CCDC85C: variants seen among roughly 807,000 people sequenced by gnomAD.
CCDC85C encodes the protein coiled-coil domain-containing protein 85C.
A neutral mutation model predicts 38.3 loss-of-function variants in CCDC85C; 18 were observed. That is an observed-to-expected ratio of 0.47 (90% CI 0.33 to 0.70). The LOEUF (loss-of-function observed/expected upper bound fraction) is 0.70, where lower values mean the gene tolerates loss of function less well. CCDC85C is among the 30% of genes least tolerant of loss of function. The pLI is 0.03. For synonymous variants in CCDC85C, 264 were observed against 293.8 expected, an observed-to-expected ratio of 0.90 and a Z score of 1.04; for missense variants, 566 against 621.2, an observed-to-expected ratio of 0.91 and a Z score of 0.94.
rs1896846869 is a variant in CCDC85C at position 99,502,158 on chromosome 14, A to G, written c.*13088T>C. ...GGCATCTCCATGCACTGGTTTAATC[A>G]TAAATATTAGATCATATTATCTAAC... On this transcript the variant is annotated 3_prime_UTR_variant, in exon 6 of 6. Coordinates refer to ENST00000380243, the MANE Select transcript of CCDC85C (RefSeq NM_001144995.2). 1 of 1,519,276 alleles carries G rather than the reference A, an allele frequency of 6.6e-7. No individual in the cohort carries two copies. Among genetic ancestry groups the G allele is most frequent in the African/African-American group, 1.4e-5 (1 of 72,004 alleles). 94.1% of individuals were successfully genotyped at this position (1,519,276 alleles called of 1,614,324 possible).
At chr14:99,539,079 G>C (rs1897661635) in intron 1 of CCDC85C, among the ~76,000 whole-genome samples, 1 of 152,186 alleles carries the variant, frequency 6.6e-6, no homozygotes, top group Non-Finnish European at 1.5e-5. Context: ...AGACCACCAG[G>C]CTTCATTGGG....
At position 99,548,440 on chromosome 14, in the gene CCDC85C, C is replaced by T. The variant is rs778472409; in HGVS notation, c.794-12352G>A. ...GGGCCACACAGGGGATGCTGATGATCGGCGCAGCGGATCAGAGAGCAGCCT... is the reference window on the plus strand; with the variant it reads ...GGGCCACACAGGGGATGCTGATGATTGGCGCAGCGGATCAGAGAGCAGCCT... On this transcript the variant is annotated intron_variant, in intron 1 of 5. Transcript: ENST00000380243. The surrounding 1 kb of genome is among the most constrained non-coding windows in gnomAD (Gnocchi z 4.9). 5.9e-5 allele frequency among the ~76,000 whole-genome samples: 9 copies of T among 152,032 alleles called. No homozygotes were observed. The highest frequency in any genetic ancestry group is 1.7e-4 in the African/African-American group (7 of 41,394).
At chr14:99,527,749 C>T (rs142866517) in intron 2 of CCDC85C, among the ~76,000 whole-genome samples, 1,934 of 152,254 alleles carry the variant, frequency 0.013, 28 homozygotes, top group Non-Finnish European at 0.018. Flanking sequence ...AGCTTCCCAC[C>T]GGGAGCCACA....
Position 99,544,777 on chromosome 14 carries a change from AG to A in CCDC85C, c.794-8690del, listed in dbSNP as rs1311126096. On this transcript the variant is annotated intron_variant, in intron 1 of 5. Transcript: ENST00000380243. The surrounding 1 kb of genome is among the most constrained non-coding windows in gnomAD (Gnocchi z 5.3). The stretch of plus-strand genomic sequence containing the variant: ...GATGTGAAAAGACTTGATGTTAGTG[AG>A]GTTTTCAGTCTGAGCCAAAGACCCC... Among the ~76,000 whole-genome samples, 1 of 152,018 alleles carries A rather than the reference AG, an allele frequency of 6.6e-6. No homozygotes were observed. Among genetic ancestry groups the A allele is most frequent in the Non-Finnish European group, 1.5e-5 (1 of 68,006 alleles).
Position 99,515,092 on chromosome 14 carries a change from A to G in CCDC85C, c.*154T>C, listed in dbSNP as rs1897199952. The G allele has an allele frequency of 1.0e-5, 6 of 592,108 alleles. No individual in the cohort carries two copies. The highest frequency in any genetic ancestry group is 3.1e-5 in the Admixed American group (1 of 32,144). The allele number at this position is 592,108 out of a possible 1,614,324, so 36.7% of individuals were successfully genotyped here. A position where few individuals can be genotyped will look rare whatever the true frequency, so the allele number is the denominator to read the frequency against. On this transcript the variant is annotated 3_prime_UTR_variant, in exon 6 of 6. Transcript: ENST00000380243. ...CGGCTTGGGCCAGTGCATCGGACCC[A>G]TGGCAGCTGGGCCAGGGCGGGCAGC...
Position 99,502,384 on chromosome 14 carries a change from G to A in CCDC85C, c.*12862C>T. On this transcript the variant is annotated 3_prime_UTR_variant, in exon 6 of 6. Transcript: ENST00000380243. ...CGGTCGACGTTTTGGAAGGTACCAG[G>A]CATGCTAAGCGTTCTCGTGAGGGTG... 1 of 1,612,856 alleles carries A rather than the reference G, an allele frequency of 6.2e-7. No homozygotes were observed. Among genetic ancestry groups the A allele is most frequent in the South Asian group, 1.1e-5 (1 of 90,864 alleles).
At chr14:99,519,278 G>A (rs1368120114) in intron 3 of CCDC85C, among the ~76,000 whole-genome samples, 2 of 102,206 alleles carry the variant, frequency 2.0e-5, no homozygotes, top group African/African-American at 3.5e-5. Context: ...ACCATGCCCA[G>A]CTTTTTTTTT....
chr14:99,533,076 C>T lies in CCDC85C; in HGVS notation c.867+2939G>A, dbSNP rs1002143208. Among the ~76,000 whole-genome samples, 2 of 152,184 alleles carry T rather than the reference C, an allele frequency of 1.3e-5. No homozygotes were observed. The highest frequency in any genetic ancestry group is 4.8e-5 in the African/African-American group (2 of 41,440). On this transcript the variant is annotated intron_variant, in intron 2 of 5. Transcript: ENST00000380243. The surrounding 1 kb of genome is among the most constrained non-coding windows in gnomAD (Gnocchi z 4.2). Reference sequence around the variant, plus strand: ...GGGTTACAGGTGTGAGCCACCACACCCAGCCGTGGCTCCTCTGGTTCTGCT... The same window carrying T: ...GGGTTACAGGTGTGAGCCACCACACTCAGCCGTGGCTCCTCTGGTTCTGCT...
At chr14:99,591,571 G>C (rs531242722) in intron 1 of CCDC85C, among the ~76,000 whole-genome samples, 1 of 152,346 alleles carries the variant, frequency 6.6e-6, no homozygotes, top group East Asian at 1.9e-4. Flanking sequence ...GGCAGGACGG[G>C]GGGGCCACCT....
Position 99,506,840 on chromosome 14 carries a change from G to A in CCDC85C, c.*8406C>T. 1 of 494,078 alleles carries A rather than the reference G, an allele frequency of 2.0e-6. No homozygotes were observed. Among genetic ancestry groups the A allele is most frequent in the East Asian group, 3.7e-5 (1 of 26,802 alleles). The allele number at this position is 494,078 out of a possible 1,614,324, so 30.6% of individuals were successfully genotyped here. A position where few individuals can be genotyped will look rare whatever the true frequency, so the allele number is the denominator to read the frequency against. On this transcript the variant is annotated 3_prime_UTR_variant, in exon 6 of 6. Coordinates refer to ENST00000380243, the MANE Select transcript of CCDC85C (RefSeq NM_001144995.2). Reference sequence around the variant, plus strand: ...TCAGCAAGGAAACTTAGGTAGACATGGAAAATGGGCTGCCTGTGGGAAGCT... The same window carrying A: ...TCAGCAAGGAAACTTAGGTAGACATAGAAAATGGGCTGCCTGTGGGAAGCT...
At chr14:99,529,198 A>G (rs555142862) in intron 2 of CCDC85C, among the ~76,000 whole-genome samples, 1 of 151,932 alleles carries the variant, frequency 6.6e-6, no homozygotes, top group Admixed American at 6.5e-5. Context: ...CCGAAATCCC[A>G]TTTTTCAAAC....
chr14:99,534,736 C>A, intron 2 of CCDC85C: 1 of 702,312 alleles, frequency 1.4e-6, no homozygotes. Context: ...TCTAGGGAGC[C>A]CCACTCCACA....
chr14:99,541,389 T>C (rs1897709673), intron 1 of CCDC85C, among the ~76,000 whole-genome samples: 1 of 152,190 alleles, frequency 6.6e-6, no homozygotes, highest in Non-Finnish European at 1.5e-5. Context: ...GCTCCTTGCA[T>C]CTGACTCTGC....
chr14:99,522,169 C>G lies in CCDC85C; in HGVS notation c.939G>C (p.Ala313=). 6.4e-7 allele frequency: 1 copy of G among 1,551,118 alleles called. No homozygotes were observed. Among genetic ancestry groups the G allele is most frequent in the Non-Finnish European group, 8.7e-7 (1 of 1,146,902 alleles). Residue 313 remains alanine (A), a synonymous_variant, in exon 3 of 6, where the codon GCG becomes GCC. Transcript: ENST00000380243. The part of the protein sequence containing the change: ...FSPYHSESQL[A]SLPPSYQDSL... The stretch of plus-strand genomic sequence containing the variant: ...AGTCCTGGTAGGAGGGCGGCAGGGA[C>G]GCAAGCTGGGACTCCGAGTGGTAGG...
chr14:99,508,491 G>C lies in CCDC85C; in HGVS notation c.*6755C>G, dbSNP rs900879502. The C allele has an allele frequency of 6.6e-6, 1 of 152,644 alleles. No individual in the cohort carries two copies. Among genetic ancestry groups the C allele is most frequent in the African/African-American group, 2.4e-5 (1 of 41,466 alleles). The allele number at this position is 152,644 out of a possible 1,614,324, so 9.5% of individuals were successfully genotyped here. ...TAGGCCTGGGACTTGAGTGGGACCT[G>C]GGTGCCAGATACACTGCCAGGAGGC... On this transcript the variant is annotated 3_prime_UTR_variant, in exon 6 of 6. Coordinates refer to ENST00000380243, the MANE Select transcript of CCDC85C (RefSeq NM_001144995.2).
rs545684223 is a variant in CCDC85C at position 99,512,475 on chromosome 14, G to GA, written c.*2770dup. ...TGTATCTTGTTTCCTCAAGTTTCAA[G>GA]AAAAAAAAAATGAAAGGTCACTTTT... On this transcript the variant is annotated 3_prime_UTR_variant, in exon 6 of 6. Coordinates refer to ENST00000380243, the MANE Select transcript of CCDC85C (RefSeq NM_001144995.2). 340 of 148,380 alleles carry GA rather than the reference G, an allele frequency of 2.3e-3. No homozygotes were observed. The highest frequency in any genetic ancestry group is 6.9e-3 in the Middle Eastern group (2 of 290). 9.2% of individuals were successfully genotyped at this position (148,380 alleles called of 1,614,324 possible).
chr14:99,510,496 C>CTG lies in CCDC85C; in HGVS notation c.*4748_*4749dup. Reference sequence around the variant, plus strand: ...TACCCGCCCAACCCGCCCCCGCCACCTGTGCCTCCTCCCCCAGCCTCCTTC... The same window carrying CTG: ...TACCCGCCCAACCCGCCCCCGCCACCTGTGTGCCTCCTCCCCCAGCCTCCTTC... On this transcript the variant is annotated 3_prime_UTR_variant, in exon 6 of 6. Transcript: ENST00000380243. The CTG allele has an allele frequency of 8.6e-7, 1 of 1,164,182 alleles. No individual in the cohort carries two copies. The highest frequency in any genetic ancestry group is 1.2e-6 in the Non-Finnish European group (1 of 830,890). The allele number at this position is 1,164,182 out of a possible 1,614,324, so 72.1% of individuals were successfully genotyped here. A position where few individuals can be genotyped will look rare whatever the true frequency, so the allele number is the denominator to read the frequency against.
Position 99,545,222 on chromosome 14 carries a change from A to G in CCDC85C, c.794-9134T>C, listed in dbSNP as rs938816479. On this transcript the variant is annotated intron_variant, in intron 1 of 5. Transcript: ENST00000380243. The surrounding 1 kb of genome is among the most constrained non-coding windows in gnomAD (Gnocchi z 4.7). ...CGGCTGCCTGCCTCTCCCACACATC[A>G]GCTGCCTGCCTCTCCCCAGCTTCAG... is the stretch of plus-strand genomic sequence containing the variant. 6.6e-6 allele frequency among the ~76,000 whole-genome samples: 1 copy of G among 151,874 alleles called. No homozygotes were observed. The highest frequency in any genetic ancestry group is 6.6e-5 in the Admixed American group (1 of 15,228).
At chr14:99,552,131 C>T (rs1167075935) in intron 1 of CCDC85C, among the ~76,000 whole-genome samples, 2 of 152,266 alleles carry the variant, frequency 1.3e-5, no homozygotes, top group South Asian at 2.1e-4. Flanking sequence ...GTGGAGGAGG[C>T]GAAGCTCCTC....
Sources: gnomAD v4.1 joint callset for allele counts (sites outside exome capture counted in the v4.1 genomes callset) on GRCh38, gnomAD v4.1.1 for gene constraint, Gnocchi (gnomAD v3.1) non-coding constraint, MANE v1.5 for transcripts, NCBI Gene and HGNC (gene_info 2026-07-23, HGNC 2026-07-21) for gene names.